GAN: variants seen among roughly 807,000 people sequenced by gnomAD.
GAN encodes the protein epididymis secretory sperm binding protein.
Under a neutral mutation model 71.3 loss-of-function variants are expected in GAN, and 48 were observed. The observed-to-expected ratio is 0.67, with a 90% CI of 0.53 to 0.86. The LOEUF (loss-of-function observed/expected upper bound fraction) is 0.86. Among genes scored for constraint, GAN ranks in the 40% least tolerant of loss-of-function variants. The pLI is 0.00. For synonymous variants in GAN, 386 were observed against 276.8 expected (o/e 1.39, Z -3.92); for missense variants, 928 against 770.1 (o/e 1.21, Z -2.43).
rs1265285256 is a variant in GAN at position 81,351,588 on chromosome 16, A to G, written c.173A>G (p.Lys58Arg). ...LAAASPYIRT[K>R]LNYNPPKDDG... is the part of the protein sequence containing the mutation. ...CATTTTTTTCCCTTTCTTAGGACAA[A>G]GTTAAACTATAATCCTCCAAAAGAT... Residue 58 changes from lysine (K) to arginine (R), a missense_variant, in exon 2 of 11, where the codon AAG (lysine) becomes AGG (arginine). Coordinates refer to ENST00000648994, the MANE Select transcript of GAN (RefSeq NM_022041.4). 1.9e-5 allele frequency: 26 copies of G among 1,371,744 alleles called. No homozygotes were observed. The highest frequency in any genetic ancestry group is 2.6e-5 in the Non-Finnish European group (25 of 958,812). 85.0% of individuals were successfully genotyped at this position (1,371,744 alleles called of 1,614,324 possible).
intron 5 of GAN, among the ~76,000 whole-genome samples, chr16:81,360,055 ATGGATG>A (rs753939156): frequency 0.23 from 33,366 of 145,178 alleles, 4,061 homozygotes; most frequent in Non-Finnish European, 0.29. Flanking sequence ...GGATGGATGG[ATGGATG>A]GATGGATAGA....
chr16:81,369,044 C>A (rs1306707130), intron 9 of GAN, among the ~76,000 whole-genome samples: 1 of 152,162 alleles, frequency 6.6e-6, no homozygotes, highest in Admixed American at 6.5e-5. Flanking sequence ...TTTTTAAATC[C>A]TCTTGTGTTT....
intron 5 of GAN, among the ~76,000 whole-genome samples, chr16:81,358,426 G>A (rs1434520006): frequency 6.6e-6 from 1 of 152,040 alleles, no homozygotes; most frequent in Non-Finnish European, 1.5e-5. Context: ...GGACAATGTA[G>A]GAGAGAAACT....
chr16:81,352,224 A>T (rs1265542603), intron 2 of GAN, among the ~76,000 whole-genome samples: 1 of 152,176 alleles, frequency 6.6e-6, no homozygotes, highest in Non-Finnish European at 1.5e-5. Context: ...TTGCCTCAGT[A>T]GTACCCACAT....
At chr16:81,334,275 C>T (rs926259668) in intron 1 of GAN, among the ~76,000 whole-genome samples, 4 of 152,084 alleles carry the variant, frequency 2.6e-5, no homozygotes, top group East Asian at 1.9e-4. Flanking sequence ...GGGAGGCTGT[C>T]GGGGAAGGAT....
intron 9 of GAN, among the ~76,000 whole-genome samples, chr16:81,368,100 C>T (rs192183906): frequency 6.6e-6 from 1 of 152,122 alleles, no homozygotes; most frequent in African/African-American, 2.4e-5. Flanking sequence ...TTAAAACTTT[C>T]TGGGAAAAAA....
At chr16:81,342,682 C>G (rs551554109) in intron 1 of GAN, among the ~76,000 whole-genome samples, 27 of 152,170 alleles carry the variant, frequency 1.8e-4, no homozygotes, top group African/African-American at 5.5e-4. Context: ...GAAAGCAGGA[C>G]AGATCTAAAA....
intron 5 of GAN, among the ~76,000 whole-genome samples, chr16:81,358,820 G>A (rs190614194): frequency 3.9e-5 from 6 of 152,280 alleles, no homozygotes; most frequent in East Asian, 1.9e-4. Context: ...TCTTTTCGCC[G>A]TGGTCCTGCT....
At chr16:81,350,213 C>G (rs915935839) in intron 1 of GAN, among the ~76,000 whole-genome samples, 1 of 151,980 alleles carries the variant, frequency 6.6e-6, no homozygotes, top group African/African-American at 2.4e-5. Context: ...GAAACATGAA[C>G]AAACGTTTTG....
At chr16:81,345,843 C>G (rs948858726) in intron 1 of GAN, among the ~76,000 whole-genome samples, 2 of 152,222 alleles carry the variant, frequency 1.3e-5, no homozygotes, top group Non-Finnish European at 2.9e-5. Context: ...TTTCCACAGA[C>G]AGGAGTTCTG....
intron 5 of GAN, among the ~76,000 whole-genome samples, chr16:81,359,665 A>G (rs781420321): frequency 6.6e-6 from 1 of 152,162 alleles, no homozygotes; most frequent in Non-Finnish European, 1.5e-5. Context: ...AAATATGTAC[A>G]GTAGATCCCC....
At chr16:81,342,891 A>G (rs1252846348) in intron 1 of GAN, among the ~76,000 whole-genome samples, 1 of 152,314 alleles carries the variant, frequency 6.6e-6, no homozygotes, top group South Asian at 2.1e-4. Context: ...CAAGACTAAT[A>G]AAGAAGAAAA....
At chr16:81,359,279 T>G (rs1408274393) in intron 5 of GAN, among the ~76,000 whole-genome samples, 1 of 152,192 alleles carries the variant, frequency 6.6e-6, no homozygotes, top group African/African-American at 2.4e-5. Flanking sequence ...GACTAATATT[T>G]GAAAGTTTGC....
chr16:81,322,972 A>G (rs1436692342), intron 1 of GAN, among the ~76,000 whole-genome samples: 5 of 152,194 alleles, frequency 3.3e-5, no homozygotes, highest in African/African-American at 9.7e-5. Flanking sequence ...TTGAAGGACA[A>G]TGAAAATCCT....
At chr16:81,344,810 C>T (rs1019177066) in intron 1 of GAN, among the ~76,000 whole-genome samples, 24 of 152,244 alleles carry the variant, frequency 1.6e-4, no homozygotes, top group East Asian at 3.9e-4. Context: ...TCAGAGTGAA[C>T]GGGCAACCTA....
rs1904287470 is a variant in GAN at position 81,377,856 on chromosome 16, A to G, written c.*260A>G. The G allele has an allele frequency of 2.5e-5, 13 of 524,102 alleles. No homozygotes were observed. In the Admixed American group the frequency reaches 2.5e-4, roughly 10 times the overall value. 32.5% of individuals were successfully genotyped at this position (524,102 alleles called of 1,614,324 possible). On this transcript the variant is annotated 3_prime_UTR_variant, in exon 11 of 11. Coordinates refer to ENST00000648994, the MANE Select transcript of GAN (RefSeq NM_022041.4). ...TGTTGGAGGCTAGGGAGGCTAGTAA[A>G]TATCAAAAGGAAAAGGGAGTGGGAA...
intron 5 of GAN, among the ~76,000 whole-genome samples, chr16:81,360,782 A>G (rs186475104): frequency 1.3e-5 from 2 of 151,912 alleles, no homozygotes; most frequent in African/African-American, 2.4e-5. Context: ...TTCATCACCC[A>G]ACTTGAAAAA....
chr16:81,347,199 A>G (rs1219385929), intron 1 of GAN, among the ~76,000 whole-genome samples: 1 of 152,244 alleles, frequency 6.6e-6, no homozygotes, highest in Non-Finnish European at 1.5e-5. Flanking sequence ...GCAAATAGAT[A>G]CACCTAGACA....
intron 9 of GAN, among the ~76,000 whole-genome samples, chr16:81,376,813 G>C (rs1904283019): frequency 6.6e-6 from 1 of 151,990 alleles, no homozygotes; most frequent in East Asian, 1.9e-4. Flanking sequence ...GTAGGTTGAG[G>C]CTGCAGTGAA....
Sources: gnomAD v4.1 joint callset for allele counts (sites outside exome capture counted in the v4.1 genomes callset) on GRCh38, gnomAD v4.1.1 for gene constraint, MANE v1.5 for transcripts, NCBI Gene and HGNC (gene_info 2026-07-23, HGNC 2026-07-21) for gene names.